The following SRPK2 variants were observed in gnomAD, a reference collection of about 807,000 sequenced individuals.
The protein encoded by SRPK2 is SFRS protein kinase 2.
In SRPK2, 21 loss-of-function variants were observed where a neutral mutation model predicts 90.8. The observed-to-expected ratio is 0.23, with a 90% CI of 0.16 to 0.33. SRPK2 has a LOEUF of 0.33. Ranked by LOEUF, SRPK2 falls within the 10% of genes least tolerant of loss-of-function variation. SRPK2 has a pLI of 1.00. For synonymous variants in SRPK2, 288 were observed against 311.1 expected (o/e 0.93, Z 0.78); for missense variants, 620 against 869.0 (o/e 0.71, Z 3.60).
intron 2 of SRPK2, among the ~76,000 whole-genome samples, chr7:105,342,885 A>G (rs1034677489): frequency 6.6e-6 from 1 of 152,214 alleles, no homozygotes; most frequent in Non-Finnish European, 1.5e-5. Context: ...AAAAGGTGAA[A>G]CAGAGCCAAA....
At chr7:105,383,052 AATTTTTTTT>A (rs552275790) in intron 2 of SRPK2, among the ~76,000 whole-genome samples, 31,793 of 105,192 alleles carry the variant, frequency 0.3, 5,250 homozygotes, top group Middle Eastern at 0.37. Context: ...CAAAAGTAAA[AATTTTTTTT>A]TTTTTTTTTT....
intron 2 of SRPK2, among the ~76,000 whole-genome samples, chr7:105,334,411 T>G (rs1198868534): frequency 6.6e-6 from 1 of 151,878 alleles, no homozygotes; most frequent in African/African-American, 2.4e-5. Flanking sequence ...TTTAGTAGAG[T>G]CGGTGTTTCA....
chr7:105,310,223 T>G (rs1811557967), intron 2 of SRPK2, among the ~76,000 whole-genome samples: 1 of 152,208 alleles, frequency 6.6e-6, no homozygotes, highest in South Asian at 2.1e-4. Context: ...CTGAACCAAC[T>G]GAAGTTCAGG....
chr7:105,260,021 T>A (rs899521457), intron 2 of SRPK2, among the ~76,000 whole-genome samples: 1 of 151,744 alleles, frequency 6.6e-6, no homozygotes, highest in African/African-American at 2.4e-5. Flanking sequence ...GCAACAAAAG[T>A]CAAAATAGAC....
chr7:105,290,767 G>A (rs1283889445), intron 2 of SRPK2, among the ~76,000 whole-genome samples: 7 of 151,568 alleles, frequency 4.6e-5, no homozygotes, highest in South Asian at 2.1e-4. Flanking sequence ...GGCCGGGCGC[G>A]GTGGCTCACG....
intron 2 of SRPK2, among the ~76,000 whole-genome samples, chr7:105,287,685 G>A (rs546191862): frequency 2.0e-5 from 3 of 152,080 alleles, no homozygotes; most frequent in Non-Finnish European, 4.4e-5. Flanking sequence ...GTGGTGAGCT[G>A]AGATCACACC....
chr7:105,216,471 G>C (rs1797481015), intron 2 of SRPK2, among the ~76,000 whole-genome samples: 1 of 152,000 alleles, frequency 6.6e-6, no homozygotes. Context: ...GGCCAATATG[G>C]TGAAAACTCA....
chr7:105,279,234 G>A (rs893678686), intron 2 of SRPK2, among the ~76,000 whole-genome samples: 3 of 152,136 alleles, frequency 2.0e-5, no homozygotes, highest in African/African-American at 4.8e-5. Flanking sequence ...CGGTGTTGGC[G>A]CAGGCAGAAG....
upstream of SRPK2, among the ~76,000 whole-genome samples, chr7:105,390,889 G>C (rs913475729): frequency 6.6e-6 from 1 of 152,020 alleles, no homozygotes; most frequent in Non-Finnish European, 1.5e-5. Context: ...CAATTTTGTT[G>C]GCTATACTAT....
chr7:105,279,146 T>C (rs1202150254), intron 2 of SRPK2, among the ~76,000 whole-genome samples: 1 of 145,646 alleles, frequency 6.9e-6, no homozygotes, highest in African/African-American at 2.5e-5. Flanking sequence ...CTGAACACAG[T>C]GCCCACAGAC....
chr7:105,266,353 AT>A (rs1805072904), intron 2 of SRPK2, among the ~76,000 whole-genome samples: 1 of 152,174 alleles, frequency 6.6e-6, no homozygotes, highest in Non-Finnish European at 1.5e-5. Context: ...GAGATGAAAA[AT>A]TACTAGAAAT....
At chr7:105,127,516 G>A (rs1409733291) in intron 13 of SRPK2, among the ~76,000 whole-genome samples, 2 of 152,184 alleles carry the variant, frequency 1.3e-5, no homozygotes, top group Non-Finnish European at 2.9e-5. Context: ...AGTAACCAAG[G>A]ACTATTTTCA....
At chr7:105,351,717 T>C (rs1261555968) in intron 2 of SRPK2, among the ~76,000 whole-genome samples, 1 of 149,532 alleles carries the variant, frequency 6.7e-6, no homozygotes, top group Non-Finnish European at 1.5e-5. Flanking sequence ...GGCAGCAAAA[T>C]CGCTTGAACC....
chr7:105,240,578 G>C (rs565116560), intron 2 of SRPK2, among the ~76,000 whole-genome samples: 3 of 152,074 alleles, frequency 2.0e-5, no homozygotes, highest in Admixed American at 2.0e-4. Context: ...GGGGGCAGTG[G>C]AGGAGGAGAA....
rs967678020 is a variant in SRPK2, at chr7:105,373,768, A to C, written c.71+14880T>G. Among the ~76,000 whole-genome samples the C allele has an allele frequency of 2.6e-5, 4 of 151,962 alleles. No homozygotes were observed. The East Asian group carries it at 7.7e-4, about 29-fold the overall frequency. On this transcript the variant is annotated intron_variant, in intron 2 of 15. Transcript: ENST00000393651. ...TCTCCACCATCCTCTTTCCTGCAGT[A>C]AGCTGACCTTACTGTCGTAAGTGCT...
chr7:105,171,092 G>A (rs559953019), intron 3 of SRPK2, among the ~76,000 whole-genome samples: 1 of 151,364 alleles, frequency 6.6e-6, no homozygotes, highest in Admixed American at 6.6e-5. Context: ...GGGGAGGGGA[G>A]GGGACGGGAA....
intron 13 of SRPK2, among the ~76,000 whole-genome samples, chr7:105,127,503 T>G (rs764169579): frequency 1.3e-5 from 2 of 152,256 alleles, no homozygotes; most frequent in Non-Finnish European, 2.9e-5. Context: ...ACCTTCATGT[T>G]TTAGTAACCA....
chr7:105,326,973 G>C (rs921452408), intron 2 of SRPK2, among the ~76,000 whole-genome samples: 5 of 150,606 alleles, frequency 3.3e-5, no homozygotes, highest in Non-Finnish European at 7.4e-5. Context: ...TGAGGCAGGA[G>C]AAGCACTTGA....
intron 2 of SRPK2, among the ~76,000 whole-genome samples, chr7:105,330,455 C>G (rs1166298572): frequency 6.6e-6 from 1 of 152,024 alleles, no homozygotes; most frequent in African/African-American, 2.4e-5. Context: ...AGCTAGAAAT[C>G]TTTATAATGG....
Sources: allele counts gnomAD v4.1 joint callset (sites outside exome capture counted in the v4.1 genomes callset), GRCh38; gene constraint gnomAD v4.1.1; transcripts MANE v1.5; gene names NCBI Gene and HGNC (gene_info 2026-07-23, HGNC 2026-07-21).